CFAP299: variants seen among roughly 807,000 people sequenced by gnomAD.
CFAP299 encodes the protein cilia- and flagella-associated protein 299.
Under a neutral mutation model 27.0 loss-of-function variants are expected in CFAP299, and 21 were observed. That is an observed-to-expected ratio of 0.78 (90% confidence interval 0.55 to 1.12). CFAP299 has a LOEUF of 1.12. Ranked by LOEUF, CFAP299 falls within the 50% of genes most tolerant of loss-of-function variation. The pLI, the probability that CFAP299 is intolerant of heterozygous loss-of-function variation, is 0.00. For synonymous variants in CFAP299, 104 were observed against 98.1 expected, an observed-to-expected ratio of 1.06 and a Z score of -0.36; for missense variants, 310 against 276.6, an observed-to-expected ratio of 1.12 and a Z score of -0.86.
chr4:80,710,801 T>G (rs973133165), intron 3 of CFAP299, among the ~76,000 whole-genome samples: 5 of 152,202 alleles, frequency 3.3e-5, no homozygotes, highest in East Asian at 3.9e-4. Context: ...GTACACATAA[T>G]GATACAATGA....
At chr4:80,605,036 A>G (rs1311815844) in intron 3 of CFAP299, among the ~76,000 whole-genome samples, 4 of 152,188 alleles carry the variant, frequency 2.6e-5, no homozygotes, top group African/African-American at 7.2e-5. Context: ...ATGTTTTGCT[A>G]CCAGTGAAAA....
chr4:80,784,246 G>A (rs1727107729), intron 3 of CFAP299, among the ~76,000 whole-genome samples: 1 of 152,106 alleles, frequency 6.6e-6, no homozygotes, highest in Non-Finnish European at 1.5e-5. Flanking sequence ...ATACCCAGAG[G>A]AAGGATTGCT....
intron 3 of CFAP299, among the ~76,000 whole-genome samples, chr4:80,627,728 C>G (rs973088077): frequency 1.3e-5 from 2 of 151,712 alleles, no homozygotes; most frequent in African/African-American, 2.4e-5. Flanking sequence ...ACAAGAGAAC[C>G]ATACCATTTA....
rs527519679 is a variant in CFAP299, at chr4:80,722,619, G to A, written c.333+139436G>A. Among the ~76,000 whole-genome samples the A allele has an allele frequency of 9.2e-5, 14 of 151,778 alleles. No homozygotes were observed. In the East Asian group the frequency reaches 2.0e-3, roughly 21 times the overall value. ...TTAATGATTAGAAAACAAAAAATTC[G>A]GCCGGGCGCTGTGGCTCACGCCTGT... On this transcript the variant is annotated intron_variant, in intron 3 of 5. Transcript: ENST00000358105.
chr4:80,844,076 C>T (rs142021724), intron 3 of CFAP299, among the ~76,000 whole-genome samples: 6 of 152,194 alleles, frequency 3.9e-5, no homozygotes, highest in East Asian at 1.9e-4. Context: ...CTACAAAGGA[C>T]GTGAAGTCAT....
intron 4 of CFAP299, among the ~76,000 whole-genome samples, chr4:80,899,832 G>A (rs889688567): frequency 1.3e-5 from 2 of 152,310 alleles, no homozygotes; most frequent in Admixed American, 1.3e-4. Context: ...GTAAAATGGA[G>A]TTAATAATAC....
chr4:80,365,872 AG>A (rs1578359763), intron 2 of CFAP299, among the ~76,000 whole-genome samples: 1 of 152,246 alleles, frequency 6.6e-6, no homozygotes, highest in Non-Finnish European at 1.5e-5. Context: ...GGATCAAAGT[AG>A]GTATTTCCTC....
chr4:80,373,179 A>G (rs1313843270), intron 2 of CFAP299, among the ~76,000 whole-genome samples: 11 of 152,010 alleles, frequency 7.2e-5, no homozygotes, highest in Non-Finnish European at 1.5e-4. Context: ...GGGTTAGGAT[A>G]AACTAACCCT....
rs1222512782 is a variant in CFAP299, at chr4:80,799,793, A to T, written c.334-70200A>T. Among the ~76,000 whole-genome samples the T allele has an allele frequency of 5.1e-3, 185 of 36,524 alleles. 4 individuals carry two copies. The highest frequency in any genetic ancestry group is 0.025 in the African/African-American group (176 of 7,152). 24.0% of individuals were successfully genotyped at this position (36,524 alleles called of 152,430 possible). ...TTATATGATATATATATTATATATT[A>T]TATTATATAATATATAAATATATAT... On this transcript the variant is annotated intron_variant, in intron 3 of 5. Coordinates refer to ENST00000358105, the MANE Select transcript of CFAP299 (RefSeq NM_152770.3).
intron 2 of CFAP299, among the ~76,000 whole-genome samples, chr4:80,490,846 T>C (rs544249130): frequency 1.3e-5 from 2 of 152,300 alleles, no homozygotes; most frequent in African/African-American, 4.8e-5. Context: ...AAGGGATTAC[T>C]GTCTTTTCAA....
chr4:80,352,058 T>C (rs1036632707), intron 1 of CFAP299, among the ~76,000 whole-genome samples: 4 of 152,048 alleles, frequency 2.6e-5, no homozygotes, highest in African/African-American at 7.2e-5. Flanking sequence ...TAGAAGTATT[T>C]CAGGGAAAAA....
At chr4:80,899,475 A>G (rs937620219) in intron 4 of CFAP299, among the ~76,000 whole-genome samples, 2 of 152,232 alleles carry the variant, frequency 1.3e-5, no homozygotes, top group Non-Finnish European at 2.9e-5. Flanking sequence ...ACAGCAGCAT[A>G]AAAGGAAACG....
intron 3 of CFAP299, among the ~76,000 whole-genome samples, chr4:80,705,543 G>A (rs1049818203): frequency 6.6e-6 from 1 of 151,776 alleles, no homozygotes; most frequent in African/African-American, 2.4e-5. Context: ...AGAGGAAAAG[G>A]AGTTTGGAAC....
chr4:80,723,869 C>T (rs1722985844), intron 3 of CFAP299, among the ~76,000 whole-genome samples: 1 of 151,616 alleles, frequency 6.6e-6, no homozygotes, highest in African/African-American at 2.4e-5. Context: ...CATAGTCCAC[C>T]TAATTAATAA....
chr4:80,809,533 AT>A (rs1729035062), intron 3 of CFAP299, among the ~76,000 whole-genome samples: 1 of 152,130 alleles, frequency 6.6e-6, no homozygotes, highest in Non-Finnish European at 1.5e-5. Context: ...CATGTTGAAA[AT>A]GAGTCATAAT....
chr4:80,487,697 G>C (rs1355516776), intron 2 of CFAP299, among the ~76,000 whole-genome samples: 1 of 152,170 alleles, frequency 6.6e-6, no homozygotes, highest in Non-Finnish European at 1.5e-5. Flanking sequence ...CATCGAATCT[G>C]AATTTCTCTG....
chr4:80,666,204 G>A (rs1398037093), intron 3 of CFAP299, among the ~76,000 whole-genome samples: 2 of 151,912 alleles, frequency 1.3e-5, no homozygotes, highest in Non-Finnish European at 2.9e-5. Flanking sequence ...CCTACCTTAG[G>A]CGTACTACTT....
intron 4 of CFAP299, among the ~76,000 whole-genome samples, chr4:80,922,390 A>G (rs141710745): frequency 5.3e-5 from 8 of 152,204 alleles, no homozygotes; most frequent in African/African-American, 1.9e-4. Flanking sequence ...TTTTATGACT[A>G]AAAACTTGAA....
At chr4:80,893,210 G>T (rs1734433378) in intron 4 of CFAP299, among the ~76,000 whole-genome samples, 2 of 151,350 alleles carry the variant, frequency 1.3e-5, no homozygotes, top group Admixed American at 6.6e-5. Context: ...TGAAAATTAT[G>T]AAACATTGAT....
Sources: gnomAD v4.1 joint callset for allele counts (sites outside exome capture counted in the v4.1 genomes callset) on GRCh38, gnomAD v4.1.1 for gene constraint, MANE v1.5 for transcripts, NCBI Gene and HGNC (gene_info 2026-07-23, HGNC 2026-07-21) for gene names.